The following CPS1 variants were observed in gnomAD, a reference collection of about 807,000 sequenced individuals.
The protein encoded by CPS1 is carbamoyl-phosphate synthase [ammonia], mitochondrial.
In CPS1, 109 loss-of-function variants were observed where a neutral mutation model predicts 174.6. The observed-to-expected ratio is 0.62, with a 90% CI of 0.53 to 0.73. The LOEUF (loss-of-function observed/expected upper bound fraction) is 0.73. Ranked by LOEUF, CPS1 falls within the 30% of genes least tolerant of loss-of-function variation. The pLI, the probability that CPS1 is intolerant of heterozygous loss-of-function variation, is 0.00. For synonymous variants in CPS1, 637 were observed against 632.0 expected, an observed-to-expected ratio of 1.01 and a Z score of -0.12; for missense variants, 1,689 against 1,821.9, an observed-to-expected ratio of 0.93 and a Z score of 1.33.
At chr2:210,587,770 A>G (rs186662484) in intron 6 of CPS1, among the ~76,000 whole-genome samples, 1 of 152,250 alleles carries the variant, frequency 6.6e-6, no homozygotes. Context: ...AAACATGAGA[A>G]AGATGGTTAA....
At chr2:210,616,401 G>A in intron 20 of CPS1, 22 bp from the exon 21 acceptor site, 1 of 1,505,904 alleles carries the variant, frequency 6.6e-7, no homozygotes, top group Non-Finnish European at 9.2e-7. Flanking sequence ...GCCAAAGAAA[G>A]TATCTCTTCT....
At chr2:210,626,947 G>T (rs1379381514) in intron 21 of CPS1, among the ~76,000 whole-genome samples, 1 of 152,118 alleles carries the variant, frequency 6.6e-6, no homozygotes, top group Admixed American at 6.5e-5. Context: ...ATCACACGAG[G>T]TGTGTGTCAT....
chr2:210,577,647 A>T lies in CPS1; in HGVS notation c.471+137A>T, dbSNP rs1166222496. On this transcript the variant is annotated intron_variant, in intron 4 of 37. Coordinates refer to ENST00000233072, the MANE Select transcript of CPS1 (RefSeq NM_001875.5). ...ATTTCAGAGAGGGATTCCTTCTCTTACTACATAAAGGCTGAAATGTCTGAA... is the reference window on the plus strand; with the variant it reads ...ATTTCAGAGAGGGATTCCTTCTCTTTCTACATAAAGGCTGAAATGTCTGAA... The T allele has an allele frequency of 9.2e-6, 7 of 758,876 alleles. No homozygotes were observed. In the Admixed American group the frequency reaches 1.3e-4, roughly 15 times the overall value. 47.0% of individuals were successfully genotyped at this position (758,876 alleles called of 1,614,324 possible).
chr2:210,548,492 A>C (rs1197951226), intron 1 of CPS1, among the ~76,000 whole-genome samples: 1 of 152,116 alleles, frequency 6.6e-6, no homozygotes, highest in East Asian at 1.9e-4. Context: ...TAGGTTAAAA[A>C]TAAATGACAT....
At chr2:210,482,417 C>T (rs756504037) in intron 1 of CPS1, among the ~76,000 whole-genome samples, 11 of 151,982 alleles carry the variant, frequency 7.2e-5, no homozygotes, top group African/African-American at 1.9e-4. Flanking sequence ...ATTCTCCCAC[C>T]GCAGCCCCCT....
At chr2:210,513,901 A>G (rs1004676652) in intron 1 of CPS1, among the ~76,000 whole-genome samples, 7 of 152,022 alleles carry the variant, frequency 4.6e-5, no homozygotes, top group Non-Finnish European at 1.5e-5. Flanking sequence ...ATTTTTCTGC[A>G]TATGGCTAGT....
At chr2:210,599,934 A>G (rs1196098132) in intron 14 of CPS1, among the ~76,000 whole-genome samples, 1 of 151,870 alleles carries the variant, frequency 6.6e-6, no homozygotes, top group Admixed American at 6.6e-5. Context: ...CCCTGCAGCA[A>G]TTTCCTCTCA....
chr2:210,501,954 A>G (rs1188277968), intron 1 of CPS1, among the ~76,000 whole-genome samples: 1 of 152,190 alleles, frequency 6.6e-6, no homozygotes. Flanking sequence ...AAAAAGGTTT[A>G]ATTGACTCAC....
intron 1 of CPS1, among the ~76,000 whole-genome samples, chr2:210,564,848 T>C (rs1044086298): frequency 6.6e-6 from 1 of 151,788 alleles, no homozygotes; most frequent in Non-Finnish European, 1.5e-5. Flanking sequence ...CAAAATTAGC[T>C]GGGTGTGGTG....
intron 16 of CPS1, 94 bp downstream of exon 16, chr2:210,602,424 A>G (rs1698760005): frequency 1.7e-5 from 25 of 1,430,694 alleles, no homozygotes; most frequent in East Asian, 4.6e-5. Flanking sequence ...GAGAAATTAC[A>G]TTTTCTTTAT....
intron 25 of CPS1, among the ~76,000 whole-genome samples, chr2:210,643,206 T>A (rs1352444060): frequency 6.6e-6 from 1 of 152,214 alleles, no homozygotes. Flanking sequence ...GCTTCCTTTA[T>A]AGCTTTCACT....
At chr2:210,594,408 T>C in intron 11 of CPS1, 100 bp from the exon 12 acceptor site, 1 of 779,072 alleles carries the variant, frequency 1.3e-6, no homozygotes, top group South Asian at 1.6e-5. Context: ...AAATTATTTG[T>C]TGCTTATCTG....
chr2:210,477,906 TCA>T (rs1694442907), intron 1 of CPS1: 1 of 932,868 alleles, frequency 1.1e-6, no homozygotes, highest in African/African-American at 1.6e-5. Flanking sequence ...TTTATCCCAC[TCA>T]CAGTCTTTAA....
At chr2:210,616,770 C>T (rs1699326511) in intron 21 of CPS1, among the ~76,000 whole-genome samples, 2 of 151,750 alleles carry the variant, frequency 1.3e-5, no homozygotes, top group South Asian at 2.1e-4. Flanking sequence ...CTATTCCCAC[C>T]CTTGTCATCA....
chr2:210,656,721 G>A, intron 30 of CPS1, 89 bp downstream of exon 30: 1 of 901,980 alleles, frequency 1.1e-6, no homozygotes, highest in Admixed American at 2.1e-5. Flanking sequence ...AAGCTAGGTA[G>A]CAATGTAAGA....
At chr2:210,672,436 A>G (rs1701341013) in intron 34 of CPS1, 1 of 152,194 alleles carries the variant, frequency 6.6e-6, no homozygotes, top group South Asian at 2.1e-4. Context: ...AATGTTCCAT[A>G]TTAGGGGTAT....
At chr2:210,536,466 G>A (rs1419133553) in intron 1 of CPS1, among the ~76,000 whole-genome samples, 2 of 151,788 alleles carry the variant, frequency 1.3e-5, no homozygotes, top group African/African-American at 2.4e-5. Context: ...GACTACAGGC[G>A]CCCGCCACCA....
chr2:210,579,846 A>G, intron 5 of CPS1, 76 bp downstream of exon 5: 8 of 1,178,268 alleles, frequency 6.8e-6, no homozygotes, highest in South Asian at 4.9e-5. Flanking sequence ...TGTTTCCCTC[A>G]GTGCCTAAGG....
chr2:210,611,049 T>C (rs1312754847), intron 19 of CPS1, among the ~76,000 whole-genome samples: 1 of 151,946 alleles, frequency 6.6e-6, no homozygotes, highest in East Asian at 1.9e-4. Context: ...ATGCCCAGGC[T>C]AGACAATCTA....
Sources: allele counts gnomAD v4.1 joint callset (sites outside exome capture counted in the v4.1 genomes callset), GRCh38; gene constraint gnomAD v4.1.1; transcripts MANE v1.5; gene names NCBI Gene and HGNC (gene_info 2026-07-23, HGNC 2026-07-21).